The following TIPARP variants were observed in gnomAD, a reference collection of about 807,000 sequenced individuals.
TIPARP encodes the protein TCDD inducible poly(ADP-ribose) polymerase.
Under a neutral mutation model 56.5 loss-of-function variants are expected in TIPARP, and 12 were observed. The ratio of observed to expected loss-of-function variants is 0.21; its 90% CI spans 0.14 to 0.34. The LOEUF (loss-of-function observed/expected upper bound fraction) is 0.34. Ranked by LOEUF, TIPARP falls within the 10% of genes least tolerant of loss-of-function variation. TIPARP has a pLI of 1.00. For missense variants in TIPARP, 604 were observed against 781.6 expected, an observed-to-expected ratio of 0.77 and a Z score of 2.71; for synonymous variants, 296 against 265.7, an observed-to-expected ratio of 1.11 and a Z score of -1.11.
intron 3 of TIPARP, among the ~76,000 whole-genome samples, chr3:156,695,439 G>A (rs546104317): frequency 5.9e-5 from 9 of 151,812 alleles, no homozygotes; most frequent in East Asian, 5.8e-4. Context: ...GTCTAGTCTC[G>A]AACTCCTGGC....
chr3:156,682,487 T>C (rs1722333015), intron 2 of TIPARP, among the ~76,000 whole-genome samples: 1 of 152,210 alleles, frequency 6.6e-6, no homozygotes, highest in African/African-American at 2.4e-5. Context: ...CAAGGGACAA[T>C]ACCATTAGAT....
chr3:156,686,943 C>T (rs1383472434), intron 2 of TIPARP, among the ~76,000 whole-genome samples: 1 of 151,768 alleles, frequency 6.6e-6, no homozygotes, highest in Non-Finnish European at 1.5e-5. Context: ...TTGAATTAAC[C>T]ACTATTTGTG....
chr3:156,703,440 C>A lies in TIPARP; in HGVS notation c.1264C>A (p.Pro422Thr), dbSNP rs749686048. 1.9e-6 allele frequency: 3 copies of A among 1,614,032 alleles called. No homozygotes were observed. The highest frequency in any genetic ancestry group is 2.2e-5 in the South Asian group (2 of 91,046). The part of the protein sequence containing the change: ...LPYLQTLGGV[P>T]TQAPPPLEAT... ...CCATTTTAGGACACTTGGTGGGGTT[C>A]CCACACAAGCTCCTCCACCTCTTGA... Residue 422 changes from proline (P) to threonine (T), a missense_variant, in exon 5 of 6, where the codon CCC (proline) becomes ACC (threonine). Physicochemically the swap from Pro to Thr is conservative, Grantham distance 38. Transcript: ENST00000295924.
intron 1 of TIPARP, among the ~76,000 whole-genome samples, chr3:156,676,262 C>T (rs1488153811): frequency 6.6e-6 from 1 of 152,214 alleles, no homozygotes; most frequent in Non-Finnish European, 1.5e-5. Flanking sequence ...CTAACAATGC[C>T]AGCTTACAGT....
At chr3:156,693,577 G>GT (rs1243974986) in intron 2 of TIPARP, among the ~76,000 whole-genome samples, 2 of 152,076 alleles carry the variant, frequency 1.3e-5, no homozygotes, top group African/African-American at 4.8e-5. Context: ...AGGCAATACT[G>GT]TGTATTCCTG....
At chr3:156,686,849 A>G (rs1423184199) in intron 2 of TIPARP, among the ~76,000 whole-genome samples, 1 of 152,154 alleles carries the variant, frequency 6.6e-6, no homozygotes, top group East Asian at 1.9e-4. Context: ...TCATTTACAT[A>G]TAGTATTATA....
intron 2 of TIPARP, among the ~76,000 whole-genome samples, chr3:156,682,964 T>A (rs1384400762): frequency 6.6e-6 from 1 of 152,236 alleles, no homozygotes; most frequent in African/African-American, 2.4e-5. Flanking sequence ...ACTAATTGGC[T>A]TCTGTCTATA....
rs762723611 is a variant in TIPARP at position 156,678,124 on chromosome 3, C to G, written c.427C>G (p.Pro143Ala). 1 of 1,614,146 alleles carries G rather than the reference C, an allele frequency of 6.2e-7. No homozygotes were observed. The highest frequency in any genetic ancestry group is 8.5e-7 in the Non-Finnish European group (1 of 1,180,038). Residue 143 changes from proline to alanine, a missense_variant, in exon 2 of 6, where the codon CCA becomes GCA. Around this residue, in one of 4 missense-constraint regions of TIPARP, gnomAD observed 261 missense variants for 279.2 expected, o/e 0.93. Coordinates refer to ENST00000295924, the MANE Select transcript of TIPARP (RefSeq NM_015508.5). ...GGTTCCAATCCAAGATCACAGCTTTCCATCAGAAACCCTCAGTGGGACGGT... is the reference window on the plus strand; with the variant it reads ...GGTTCCAATCCAAGATCACAGCTTTGCATCAGAAACCCTCAGTGGGACGGT... Reference protein sequence around the residue: ...RVVPIQDHSFPSETLSGTVAD... With the variant: ...RVVPIQDHSFASETLSGTVAD...
intron 2 of TIPARP, among the ~76,000 whole-genome samples, chr3:156,680,014 G>A (rs560207364): frequency 9.2e-5 from 14 of 152,170 alleles, no homozygotes; most frequent in African/African-American, 3.1e-4. Context: ...TAATATTTCA[G>A]TTATATAGTA....
intron 2 of TIPARP, among the ~76,000 whole-genome samples, chr3:156,685,480 A>G (rs1279383602): frequency 6.6e-6 from 1 of 152,202 alleles, no homozygotes; most frequent in Non-Finnish European, 1.5e-5. Context: ...TGTATTGAGA[A>G]TCTCCCATGA....
chr3:156,682,152 A>T (rs979534714), intron 2 of TIPARP, among the ~76,000 whole-genome samples: 5 of 152,158 alleles, frequency 3.3e-5, no homozygotes, highest in African/African-American at 1.2e-4. Context: ...ACAATTTTCT[A>T]TTTATTTCCA....
rs1277218128 is a variant in TIPARP, at chr3:156,705,110, C to G, written c.1953C>G (p.Val651=). Residue 651 remains valine, a synonymous_variant, in exon 6 of 6, where the codon GTC becomes GTG. Coordinates refer to ENST00000295924, the MANE Select transcript of TIPARP (RefSeq NM_015508.5). ...YPYFVIQYEE[V]SNTVSI is the part of the protein sequence containing the mutation. ...ATTTTGTTATCCAATATGAAGAAGT[C>G]AGTAACACTGTTTCCATTTGAAAAA... is the stretch of plus-strand genomic sequence containing the variant. 2.6e-6 allele frequency: 4 copies of G among 1,562,692 alleles called. No individual in the cohort carries two copies. Among genetic ancestry groups the G allele is most frequent in the Non-Finnish European group, 3.5e-6 (4 of 1,150,836 alleles).
At position 156,695,871 on chromosome 3, in the gene TIPARP, A is replaced by G. The variant is rs139609776; in HGVS notation, c.1093A>G (p.Ile365Val). 2.2e-6 allele frequency: 3 copies of G among 1,355,520 alleles called. No homozygotes were observed. The African/African-American group carries it at 6.0e-5, about 27-fold the overall frequency. 84.0% of individuals were successfully genotyped at this position (1,355,520 alleles called of 1,614,324 possible). Residue 365 changes from isoleucine (I) to valine (V), a missense_variant, in exon 4 of 6, where the codon ATT (isoleucine) becomes GTT (valine). Ile to Val is a conservative substitution (Grantham distance 29). Transcript: ENST00000295924. Reference sequence around the variant, plus strand: ...TCTGTTTTCTCCTCCATAGTCTGTCATTCGATTGATTGAAGAAGCCAACTC... The same window carrying G: ...TCTGTTTTCTCCTCCATAGTCTGTCGTTCGATTGATTGAAGAAGCCAACTC... ...FGWREYPESVIRLIEEANSRG... is the reference protein window; with the variant it reads ...FGWREYPESVVRLIEEANSRG...
At chr3:156,692,316 A>G (rs1178022902) in intron 2 of TIPARP, among the ~76,000 whole-genome samples, 2 of 152,170 alleles carry the variant, frequency 1.3e-5, no homozygotes, top group East Asian at 1.9e-4. Context: ...TAATTTAGGC[A>G]TAGGAGTTCC....
chr3:156,703,358 C>G (rs748417825), intron 4 of TIPARP, 66 bp from the exon 5 acceptor site: 20 of 1,491,662 alleles, frequency 1.3e-5, no homozygotes, highest in Non-Finnish European at 1.7e-5. Context: ...TGATATAGAT[C>G]ACTATAATGT....
intron 4 of TIPARP, among the ~76,000 whole-genome samples, chr3:156,699,045 GC>G (rs1722784605): frequency 6.6e-6 from 1 of 152,190 alleles, no homozygotes; most frequent in Non-Finnish European, 1.5e-5. Context: ...TAGAAGTGTA[GC>G]CTGAAGATGT....
At chr3:156,702,895 A>G (rs1037670218) in intron 4 of TIPARP, among the ~76,000 whole-genome samples, 11 of 152,204 alleles carry the variant, frequency 7.2e-5, no homozygotes, top group Non-Finnish European at 1.3e-4. Context: ...AAACGAAGCA[A>G]ATGTCAAATA....
chr3:156,696,393 A>G (rs1001022211), intron 4 of TIPARP, among the ~76,000 whole-genome samples: 1 of 152,124 alleles, frequency 6.6e-6, no homozygotes, highest in African/African-American at 2.4e-5. Context: ...ACTTAGCCAA[A>G]CTGCCGGGGC....
At chr3:156,698,718 T>A (rs183659575) in intron 4 of TIPARP, among the ~76,000 whole-genome samples, 125 of 152,342 alleles carry the variant, frequency 8.2e-4, no homozygotes, top group Non-Finnish European at 9.6e-4. Flanking sequence ...ACATCCATTC[T>A]GCAGCCCACT....
Sources: gnomAD v4.1 joint callset for allele counts (sites outside exome capture counted in the v4.1 genomes callset) on GRCh38, gnomAD v4.1.1 for gene constraint, gnomAD v4.1.1 regional missense constraint, MANE v1.5 for transcripts, NCBI Gene and HGNC (gene_info 2026-07-23, HGNC 2026-07-21) for gene names.